Variants in PCIF1 observed in about 807,000 individuals in gnomAD.
PCIF1 encodes the protein mRNA (2'-O-methyladenosine-N(6)-)-methyltransferase.
PCIF1 carries 12 observed loss-of-function variants against 86.9 expected under a neutral mutation model. That is an observed-to-expected ratio of 0.14 (90% CI 0.09 to 0.22). The LOEUF (loss-of-function observed/expected upper bound fraction) is 0.22, where lower values mean the gene tolerates loss of function less well. Among genes scored for constraint, PCIF1 ranks in the 10% least tolerant of loss-of-function variants. The pLI is 1.00. For synonymous variants in PCIF1, 397 were observed against 372.0 expected (o/e 1.07, Z -0.77); for missense variants, 701 against 951.1 (o/e 0.74, Z 3.46).
chr20:45,945,474 G>A (rs1162239330), intron 11 of PCIF1, among the ~76,000 whole-genome samples: 2 of 152,218 alleles, frequency 1.3e-5, no homozygotes, highest in East Asian at 1.9e-4. Flanking sequence ...CCCAAGGCAC[G>A]GCATACGGGG....
In PCIF1 at chr20:45,934,697, C is replaced by A; in HGVS notation, c.-295C>A. 1 of 398,704 alleles carries A rather than the reference C, an allele frequency of 2.5e-6. No homozygotes were observed. 24.7% of individuals were successfully genotyped at this position (398,704 alleles called of 1,614,324 possible). On this transcript the variant is annotated 5_prime_UTR_variant, in exon 1 of 17. Coordinates refer to ENST00000372409, the MANE Select transcript of PCIF1 (RefSeq NM_022104.4). Reference sequence around the variant, plus strand: ...GCATGCGCAGCGCGGAGTCCCGGCCCGGGACACAAGATGGCGGCAGCGGCG... The same window carrying A: ...GCATGCGCAGCGCGGAGTCCCGGCCAGGGACACAAGATGGCGGCAGCGGCG...
Position 45,940,600 on chromosome 20 carries a change from G to A in PCIF1, c.375G>A (p.Val125=). ...LSEEQPSGNG[V]KKPKIEIPVT... ...AAGAGCAGCCAAGCGGCAATGGTGT[G>A]AAGAAGCCCAAGGTGAGTGTCTGTG... Residue 125 remains valine (V), a synonymous_variant, in exon 5 of 17, where the codon GTG becomes GTA. Coordinates refer to ENST00000372409, the MANE Select transcript of PCIF1 (RefSeq NM_022104.4). 1.2e-6 allele frequency: 2 copies of A among 1,612,188 alleles called. No individual in the cohort carries two copies. The highest frequency in any genetic ancestry group is 1.7e-6 in the Non-Finnish European group (2 of 1,179,106).
intron 2 of PCIF1, chr20:45,937,913 C>T: frequency 4.2e-6 from 1 of 236,698 alleles, no homozygotes; most frequent in Non-Finnish European, 8.1e-6. Flanking sequence ...AGCTTCTGAT[C>T]AGCATGAGAT....
chr20:45,941,792 G>T (rs535616156), intron 7 of PCIF1, among the ~76,000 whole-genome samples: 3 of 150,670 alleles, frequency 2.0e-5, no homozygotes, highest in Admixed American at 6.6e-5. Context: ...TGGCTATGTT[G>T]CCCAGGCTGG....
In PCIF1 at chr20:45,943,672, A is replaced by G. The variant is rs746068434; in HGVS notation, c.912A>G (p.Ala304=). The G allele has an allele frequency of 3.8e-6, 6 of 1,558,908 alleles. No homozygotes were observed. The highest frequency in any genetic ancestry group is 2.7e-5 in the African/African-American group (2 of 73,664). ...AARRLIESRS[A]SPDSRKVVKW... is the part of the protein sequence containing the mutation. Reference sequence around the variant, plus strand: ...CCCTCCCCTTGACTGGCAGGAGTGCATCCCCTGACAGTAGGAAGGTGGTCA... The same window carrying G: ...CCCTCCCCTTGACTGGCAGGAGTGCGTCCCCTGACAGTAGGAAGGTGGTCA... The change falls in exon 10 of 17, where the codon GCA becomes GCG. Residue 304 remains alanine, a synonymous_variant. Transcript: ENST00000372409. This position sits in a 1 kb window ranked among gnomAD's most constrained non-coding sequence, Gnocchi z 5.5.
At chr20:45,937,340 G>A (rs1003516012) in intron 1 of PCIF1, 78 bp from the exon 2 acceptor site, 2 of 398,662 alleles carry the variant, frequency 5.0e-6, no homozygotes, top group African/African-American at 2.1e-5. Flanking sequence ...CCCCCAACTT[G>A]CTCTTTGTTT....
intron 4 of PCIF1, 122 bp downstream of exon 4, chr20:45,939,461 C>A: frequency 7.1e-7 from 1 of 1,400,392 alleles, no homozygotes; most frequent in Non-Finnish European, 9.7e-7. Flanking sequence ...GATACAATGA[C>A]AAGCAAGACA....
Position 45,940,841 on chromosome 20 carries a change from G to A in PCIF1, c.420G>A (p.Ser140=), listed in dbSNP as rs141459556. Reference sequence around the variant, plus strand: ...TCCCAGTGACACCCACAGGCCAGTCGGTGCCCAGCTCCCCCAGTATCCCAG... The same window carrying A: ...TCCCAGTGACACCCACAGGCCAGTCAGTGCCCAGCTCCCCCAGTATCCCAG... ...IEIPVTPTGQ[S]VPSSPSIPGT... Residue 140 remains serine, a synonymous_variant, in exon 6 of 17, where the codon TCG becomes TCA. Coordinates refer to ENST00000372409, the MANE Select transcript of PCIF1 (RefSeq NM_022104.4). 1.1e-4 allele frequency: 182 copies of A among 1,614,006 alleles called. No homozygotes were observed. The highest frequency in any genetic ancestry group is 8.5e-4 in the African/African-American group (64 of 75,012).
Position 45,947,797 on chromosome 20 carries a change from G to A in PCIF1, c.*42G>A. 3 of 1,575,400 alleles carry A rather than the reference G, an allele frequency of 1.9e-6. No individual in the cohort carries two copies. Among genetic ancestry groups the A allele is most frequent in the Non-Finnish European group, 2.6e-6 (3 of 1,171,244 alleles). On this transcript the variant is annotated 3_prime_UTR_variant, in exon 17 of 17. Coordinates refer to ENST00000372409, the MANE Select transcript of PCIF1 (RefSeq NM_022104.4). This position sits in a 1 kb window ranked among gnomAD's most constrained non-coding sequence, Gnocchi z 5.4. ...GAGGAGCCCCAGGGGTGCTAGTCTG[G>A]ACTGCTGGGACTCGGGCCCCTGGGG... is the stretch of plus-strand genomic sequence containing the variant.
chr20:45,945,805 G>A lies in PCIF1; in HGVS notation c.1263G>A (p.Met421Ile), dbSNP rs751523984. Reference protein sequence around the residue: ...VSAPPMPSVEMHMENNVVCIR... With the variant: ...VSAPPMPSVEIHMENNVVCIR... ...CACCGCCCATGCCCAGCGTGGAGAT[G>A]CACATGGAGAACAACGTGGTCTGCA... is the stretch of plus-strand genomic sequence containing the variant. Residue 421 changes from methionine to isoleucine, a missense_variant, in exon 12 of 17, where the codon ATG (methionine) becomes ATA (isoleucine). Met to Ile is a conservative substitution (Grantham distance 10). This residue lies in a region of PCIF1 where 121 missense variants were observed against 131.7 expected (regional missense o/e 0.92). Transcript: ENST00000372409. The A allele has an allele frequency of 4.3e-6, 7 of 1,613,874 alleles. No homozygotes were observed. Among genetic ancestry groups the A allele is most frequent in the Non-Finnish European group, 5.9e-6 (7 of 1,180,038 alleles).
At chr20:45,942,788 T>C (rs1366627457) in intron 7 of PCIF1, among the ~76,000 whole-genome samples, 150 of 140,706 alleles carry the variant, frequency 1.1e-3, no homozygotes, top group Non-Finnish European at 1.0e-3. Context: ...TTTTTTTTTT[T>C]TTTTTGTAGA....
Position 45,943,597 on chromosome 20 carries a change from C to A in PCIF1, c.906-69C>A. The A allele has an allele frequency of 1.4e-6, 2 of 1,450,158 alleles. No individual in the cohort carries two copies. Among genetic ancestry groups the A allele is most frequent in the Non-Finnish European group, 1.9e-6 (2 of 1,057,184 alleles). The allele number at this position is 1,450,158 out of a possible 1,614,324, so 89.8% of individuals were successfully genotyped here. On this transcript the variant is annotated intron_variant, in intron 9 of 16. Transcript: ENST00000372409. The surrounding 1 kb of genome is among the most constrained non-coding windows in gnomAD (Gnocchi z 5.5). ...AAGCTAGGGGTTGATACCCAGCGAG[C>A]CCATGGAATTGGGATGAGGAGGGTG...
chr20:45,947,027 G>T lies in PCIF1; in HGVS notation c.1614-46G>T, dbSNP rs764701661. The T allele has an allele frequency of 2.6e-6, 4 of 1,523,554 alleles. No individual in the cohort carries two copies. In the South Asian group the frequency reaches 4.7e-5, roughly 18 times the overall value. The allele number at this position is 1,523,554 out of a possible 1,614,324, so 94.4% of individuals were successfully genotyped here. A position where few individuals can be genotyped will look rare whatever the true frequency, so the allele number is the denominator to read the frequency against. On this transcript the variant is annotated intron_variant, in intron 14 of 16. Transcript: ENST00000372409. This position sits in a 1 kb window ranked among gnomAD's most constrained non-coding sequence, Gnocchi z 5.4. The stretch of plus-strand genomic sequence containing the variant: ...GGGGGTGGCACCTGTTTCTGGTTGA[G>T]GGACTGGGTCCTGATGGGACTTAGA...
In PCIF1 at chr20:45,941,132, G is replaced by A. The variant is rs768592278; in HGVS notation, c.598G>A (p.Glu200Lys). Residue 200 changes from glutamate to lysine, a missense_variant, in exon 7 of 17, where the codon GAA (glutamate) becomes AAA (lysine). Glu to Lys is a moderately conservative substitution (Grantham distance 56, BLOSUM62 1). Coordinates refer to ENST00000372409, the MANE Select transcript of PCIF1 (RefSeq NM_022104.4). The part of the protein sequence containing the change: ...GPSEVLPPHP[E>K]VELLRSQLIL... ...TTCAGAGGTGCTGCCCCCGCATCCC[G>A]AAGTGGAACTGCTCCGCTCTCAGCT... 23 of 1,614,090 alleles carry A rather than the reference G, an allele frequency of 1.4e-5. No individual in the cohort carries two copies. The highest frequency in any genetic ancestry group is 1.9e-5 in the Non-Finnish European group (22 of 1,180,044).
At chr20:45,937,883 T>C in intron 2 of PCIF1, 1 of 279,110 alleles carries the variant, frequency 3.6e-6, no homozygotes, top group Non-Finnish European at 6.6e-6. Flanking sequence ...ATTCGTATGA[T>C]GTCATCAACA....
rs764489815 is a variant in PCIF1 at position 45,940,593 on chromosome 20, A to G, written c.368A>G (p.Asn123Ser). Reference sequence around the variant, plus strand: ...CTCTCGGAAGAGCAGCCAAGCGGCAATGGTGTGAAGAAGCCCAAGGTGAGT... The same window carrying G: ...CTCTCGGAAGAGCAGCCAAGCGGCAGTGGTGTGAAGAAGCCCAAGGTGAGT... ...RQLSEEQPSG[N>S]GVKKPKIEIP... Residue 123 changes from asparagine (N) to serine (S), a missense_variant, in exon 5 of 17, where the codon AAT (asparagine) becomes AGT (serine). Asn to Ser is a conservative substitution (Grantham distance 46). Coordinates refer to ENST00000372409, the MANE Select transcript of PCIF1 (RefSeq NM_022104.4). 7.9e-5 allele frequency: 128 copies of G among 1,611,996 alleles called. No individual in the cohort carries two copies. Among genetic ancestry groups the G allele is most frequent in the Non-Finnish European group, 1.1e-4 (124 of 1,179,120 alleles).
intron 13 of PCIF1, 35 bp from the exon 14 acceptor site, chr20:45,946,165 G>T (rs201262692): frequency 6.2e-7 from 1 of 1,614,178 alleles, no homozygotes; most frequent in East Asian, 2.2e-5. Context: ...AACAGGGAGG[G>T]TGAGCCCCAG....
chr20:45,945,650 C>T (rs1490217112), intron 11 of PCIF1, 61 bp from the exon 12 acceptor site: 2 of 1,574,080 alleles, frequency 1.3e-6, no homozygotes, highest in Non-Finnish European at 1.7e-6. Context: ...AGCATGTGGC[C>T]CACAGTGGCT....
Position 45,946,124 on chromosome 20 carries a change from C to G in PCIF1, c.1428+9C>G, listed in dbSNP as rs1227750775. ...TTCTCCGACGGTACCAGGTACAGGC[C>G]TGGGGCAGCAGGGAGGGCTCCCCAG... is the stretch of plus-strand genomic sequence containing the variant. On this transcript the variant is annotated intron_variant, in intron 13 of 16. Transcript: ENST00000372409. 1.2e-6 allele frequency: 2 copies of G among 1,614,168 alleles called. No individual in the cohort carries two copies. The highest frequency in any genetic ancestry group is 2.2e-5 in the East Asian group (1 of 44,886).
Sources: gnomAD v4.1 joint callset for allele counts (sites outside exome capture counted in the v4.1 genomes callset) on GRCh38, gnomAD v4.1.1 for gene constraint, gnomAD v4.1.1 regional missense constraint, Gnocchi (gnomAD v3.1) non-coding constraint, MANE v1.5 for transcripts, NCBI Gene and HGNC (gene_info 2026-07-23, HGNC 2026-07-21) for gene names.